Variants in PCSK6 observed in about 807,000 individuals in gnomAD.
PCSK6 encodes the protein paired basic amino acid cleaving enzyme 4.
A neutral mutation model predicts 123.3 loss-of-function variants in PCSK6; 85 were observed. The ratio of observed to expected loss-of-function variants is 0.69; its 90% CI spans 0.58 to 0.83. The LOEUF is 0.83. Among genes scored for constraint, PCSK6 ranks in the 40% least tolerant of loss-of-function variants. PCSK6 has a pLI of 0.00. For missense variants in PCSK6, 1,191 were observed against 1,282.3 expected, an observed-to-expected ratio of 0.93 and a Z score of 1.09; for synonymous variants, 508 against 516.0, an observed-to-expected ratio of 0.98 and a Z score of 0.21.
intron 13 of PCSK6, among the ~76,000 whole-genome samples, chr15:101,354,514 A>T (rs954823340): frequency 6.6e-6 from 1 of 152,254 alleles, no homozygotes; most frequent in Admixed American, 6.5e-5. Flanking sequence ...TTTACTCCTC[A>T]CAAGTGAAGA....
At chr15:101,430,687 G>T (rs1197067148) in intron 4 of PCSK6, among the ~76,000 whole-genome samples, 1 of 152,222 alleles carries the variant, frequency 6.6e-6, no homozygotes, top group East Asian at 1.9e-4. Context: ...TCTAAGGGCT[G>T]CATAACGATC....
chr15:101,448,812 C>T (rs758329385), intron 1 of PCSK6, among the ~76,000 whole-genome samples: 6 of 152,190 alleles, frequency 3.9e-5, no homozygotes, highest in Non-Finnish European at 7.4e-5. Context: ...TTGTCCTTTG[C>T]GGCAGGTTCT....
In PCSK6 at chr15:101,356,174, T is replaced by C. The variant is rs144977010; in HGVS notation, c.1858+10022A>G. Among the ~76,000 whole-genome samples the C allele has an allele frequency of 6.6e-5, 10 of 152,336 alleles. No individual in the cohort carries two copies. In the South Asian group the frequency reaches 1.2e-3, roughly 19 times the overall value. The stretch of plus-strand genomic sequence containing the variant: ...AGCCAAACTTCTCCGACAGATGTTC[T>C]GCAGGACGAGCCATCGCCCCAGCTC... On this transcript the variant is annotated intron_variant, in intron 13 of 21. Transcript: ENST00000611716.
At chr15:101,410,715 C>T (rs1249060420) in intron 6 of PCSK6, among the ~76,000 whole-genome samples, 3 of 152,204 alleles carry the variant, frequency 2.0e-5, no homozygotes, top group African/African-American at 7.2e-5. Context: ...GATGTCCTAG[C>T]ATCAGAAGGC....
chr15:101,452,293 A>C (rs2057055401), intron 1 of PCSK6, among the ~76,000 whole-genome samples: 1 of 152,210 alleles, frequency 6.6e-6, no homozygotes, highest in African/African-American at 2.4e-5. Context: ...GTCTCGGCCT[A>C]TATTTTCAAG....
chr15:101,378,210 A>G (rs910241879), intron 11 of PCSK6, among the ~76,000 whole-genome samples: 3 of 152,250 alleles, frequency 2.0e-5, no homozygotes, highest in Non-Finnish European at 4.4e-5. Context: ...TTTTAAAATC[A>G]TTTTGCACAG....
chr15:101,318,210 C>T lies in PCSK6; in HGVS notation c.2569+109G>A, dbSNP rs948555893. Reference sequence around the variant, plus strand: ...CTTGTTTTGCCCTTGCATTTTAATGCTGCAATAAATGCAGAAGCCCACGAA... The same window carrying T: ...CTTGTTTTGCCCTTGCATTTTAATGTTGCAATAAATGCAGAAGCCCACGAA... On this transcript the variant is annotated intron_variant, in intron 19 of 21. Coordinates refer to ENST00000611716, the MANE Select transcript of PCSK6 (RefSeq NM_002570.5). 10 of 758,398 alleles carry T rather than the reference C, an allele frequency of 1.3e-5. No individual in the cohort carries two copies. The African/African-American group carries it at 1.6e-4, about 12-fold the overall frequency. The allele number at this position is 758,398 out of a possible 1,614,324, so 47.0% of individuals were successfully genotyped here.
At chr15:101,465,836 G>A (rs1378127319) in intron 1 of PCSK6, among the ~76,000 whole-genome samples, 1 of 152,028 alleles carries the variant, frequency 6.6e-6, no homozygotes, top group South Asian at 2.1e-4. Flanking sequence ...AAGTATAATC[G>A]ACACATTAAG....
chr15:101,488,432 C>T (rs1201461775), intron 1 of PCSK6, among the ~76,000 whole-genome samples: 2 of 152,176 alleles, frequency 1.3e-5, no homozygotes, highest in African/African-American at 4.8e-5. Context: ...AGGGTAATGC[C>T]GCCTTTGTGC....
In PCSK6 at chr15:101,389,534, C is replaced by T. The variant is rs746402132; in HGVS notation, c.1240G>A (p.Asp414Asn). 50 of 1,613,440 alleles carry T rather than the reference C, an allele frequency of 3.1e-5. No homozygotes were observed. The highest frequency in any genetic ancestry group is 1.1e-4 in the South Asian group (10 of 91,062). Residue 414 changes from aspartate (D) to asparagine (N), a missense_variant, in exon 9 of 22, where the codon GAT becomes AAT. Asp to Asn is a conservative substitution (Grantham distance 23). This residue lies in a region of PCSK6 where 357 missense variants were observed against 484.5 expected (regional missense o/e 0.74). Coordinates refer to ENST00000611716, the MANE Select transcript of PCSK6 (RefSeq NM_002570.5). ...VTTDLRQRCT[D>N]GHTGTSVSAP... ...GAGACTGAGGTCCCAGTGTGGCCAT[C>T]GGTACAGCGCTGACGCAGATCCGTG... is the stretch of plus-strand genomic sequence containing the variant.
At chr15:101,379,688 G>A (rs141654847) in intron 11 of PCSK6, among the ~76,000 whole-genome samples, 1 of 152,220 alleles carries the variant, frequency 6.6e-6, no homozygotes, top group Non-Finnish European at 1.5e-5. Context: ...TGCACGGAGA[G>A]GGGGCAGTTA....
chr15:101,438,839 C>T (rs1013375519), intron 2 of PCSK6, among the ~76,000 whole-genome samples: 3 of 152,216 alleles, frequency 2.0e-5, no homozygotes, highest in East Asian at 1.9e-4. Context: ...AGGCCAAGTC[C>T]GCAGCCTCTG....
intron 19 of PCSK6, among the ~76,000 whole-genome samples, chr15:101,314,117 G>T (rs2039933988): frequency 6.6e-6 from 1 of 152,182 alleles, no homozygotes; most frequent in Non-Finnish European, 1.5e-5. Context: ...TGTTTGGTGT[G>T]TACAGCCAGG....
chr15:101,397,064 C>A, intron 7 of PCSK6, among the ~76,000 whole-genome samples: 1 of 152,048 alleles, frequency 6.6e-6, no homozygotes. Flanking sequence ...GTGCAGCTGG[C>A]AGGAGGCAGA....
chr15:101,377,661 G>A (rs12898407), intron 11 of PCSK6, among the ~76,000 whole-genome samples: 8,195 of 152,248 alleles, frequency 0.054, 300 homozygotes, highest in Middle Eastern at 0.12. Context: ...TAAAATGACC[G>A]CCATACGCAG....
intron 13 of PCSK6, chr15:101,347,847 C>G: frequency 7.7e-7 from 1 of 1,293,236 alleles, no homozygotes; most frequent in Middle Eastern, 2.1e-4. Flanking sequence ...CCCAGGGCAA[C>G]AGGAGTGGAG....
In PCSK6 at chr15:101,390,800, G is replaced by A. The variant is rs560587479; in HGVS notation, c.1210-1236C>T. On this transcript the variant is annotated intron_variant, in intron 8 of 21. Transcript: ENST00000611716. ...CTCGTGAGACTCAAAGCAGAGACTC[G>A]GCTGAGGCTCCTGGACTTCTGGCCT... Among the ~76,000 whole-genome samples the A allele has an allele frequency of 3.0e-4, 46 of 152,272 alleles. 1 individual carries two copies. The highest frequency in any genetic ancestry group is 8.5e-4 in the Admixed American group (13 of 15,302).
At chr15:101,358,184 T>C (rs1032005600) in intron 13 of PCSK6, among the ~76,000 whole-genome samples, 2 of 151,998 alleles carry the variant, frequency 1.3e-5, no homozygotes, top group Non-Finnish European at 2.9e-5. Context: ...CCCCTGGGGG[T>C]AGGCGGAGTA....
intron 1 of PCSK6, among the ~76,000 whole-genome samples, chr15:101,456,640 C>T (rs1018505660): frequency 5.2e-4 from 79 of 152,280 alleles, no homozygotes; most frequent in Middle Eastern, 6.8e-3. Context: ...TCTCAGAGGG[C>T]ATAACAAGGA....
Sources: gnomAD v4.1 joint callset for allele counts (sites outside exome capture counted in the v4.1 genomes callset) on GRCh38, gnomAD v4.1.1 for gene constraint, gnomAD v4.1.1 regional missense constraint, MANE v1.5 for transcripts, NCBI Gene and HGNC (gene_info 2026-07-23, HGNC 2026-07-21) for gene names.